Variants in DNAH12 observed in about 807,000 individuals in gnomAD.
DNAH12 encodes axonemal beta dynein heavy chain 12.
In DNAH12, 285 loss-of-function variants were observed where a neutral mutation model predicts 371.5. The ratio of observed to expected loss-of-function variants is 0.77; its 90% CI spans 0.70 to 0.85. The LOEUF (loss-of-function observed/expected upper bound fraction) is 0.85. Ranked by LOEUF, DNAH12 falls within the 40% of genes least tolerant of loss-of-function variation. The probability of loss-of-function intolerance (pLI) is 0.00; values close to 1 mark genes in which losing one functional copy is unlikely to be tolerated. For synonymous variants in DNAH12, 1,200 were observed against 1,213.0 expected (o/e 0.99, Z 0.22); for missense variants, 3,611 against 3,689.4 (o/e 0.98, Z 0.55).
intron 2 of DNAH12, among the ~76,000 whole-genome samples, chr3:57,542,174 G>C (rs2069320649): frequency 6.9e-6 from 1 of 144,516 alleles, no homozygotes; most frequent in African/African-American, 2.6e-5. Flanking sequence ...GGGGGGCGGT[G>C]AGTAGGATGT....
intron 73 of DNAH12, among the ~76,000 whole-genome samples, chr3:57,295,063 T>C (rs1383293888): frequency 6.6e-6 from 1 of 152,138 alleles, no homozygotes; most frequent in African/African-American, 2.4e-5. Flanking sequence ...GGGGCAAAAT[T>C]GGCCCCCACC....
the DNAH12 span, among the ~76,000 whole-genome samples, chr3:57,552,317 A>C: frequency 8.1e-4 from 123 of 151,852 alleles, no homozygotes; most frequent in Non-Finnish European, 1.6e-3. Flanking sequence ...TCAGCCTCCC[A>C]AAGTGCTGGG....
intron 23 of DNAH12, 84 bp downstream of exon 23, chr3:57,454,690 CA>C: frequency 6.7e-7 from 1 of 1,501,206 alleles, no homozygotes; most frequent in Non-Finnish European, 9.0e-7. Context: ...GGTAGCATAG[CA>C]AGATCTCATT....
In DNAH12 at chr3:57,401,014, T is replaced by C. The variant is rs1007883685; in HGVS notation, c.6948+2295A>G. 4.8e-3 allele frequency among the ~76,000 whole-genome samples: 734 copies of C among 152,246 alleles called. 6 individuals carry two copies. The highest frequency in any genetic ancestry group is 0.017 in the African/African-American group (709 of 41,556). On this transcript the variant is annotated intron_variant, in intron 43 of 73. Transcript: ENST00000495027. Reference sequence around the variant, plus strand: ...AAAGACTGAAATCATAGAAAGTATCTTTCCTGATCACAATGGTACAAAACT... The same window carrying C: ...AAAGACTGAAATCATAGAAAGTATCCTTCCTGATCACAATGGTACAAAACT...
chr3:57,320,365 C>A (rs559237720), intron 65 of DNAH12, among the ~76,000 whole-genome samples: 26 of 152,266 alleles, frequency 1.7e-4, no homozygotes, highest in African/African-American at 6.3e-4. Flanking sequence ...AGAAATGTAT[C>A]CCTGCCCTTA....
rs999787128 is a variant in DNAH12 at position 57,364,635 on chromosome 3, T to C, written c.9168-849A>G. On this transcript the variant is annotated intron_variant, in intron 57 of 73. Coordinates refer to ENST00000495027, the MANE Select transcript of DNAH12 (RefSeq NM_001366028.2). ...ATTGAAAAATGGGATCTAATTAAAC[T>C]AAGGAGCTTCTGCACAGCAAAATAA... is the stretch of plus-strand genomic sequence containing the variant. Among the ~76,000 whole-genome samples the C allele has an allele frequency of 5.3e-5, 8 of 152,252 alleles. No individual in the cohort carries two copies. In the South Asian group the frequency reaches 1.5e-3, roughly 28 times the overall value.
rs952585056 is a variant in DNAH12, at chr3:57,358,266, G to T, written c.9361-918C>A. ...GTGGCATTGGCATTAGGAGTAAAAG[G>T]TAGTGGGACTTTTTCTACATGTTGG... On this transcript the variant is annotated intron_variant, in intron 58 of 73. Transcript: ENST00000495027. Among the ~76,000 whole-genome samples, 103 of 152,298 alleles carry T rather than the reference G, an allele frequency of 6.8e-4. 2 individuals are homozygous for T. Among genetic ancestry groups the T allele is most frequent in the Non-Finnish European group, 2.1e-4 (14 of 68,016 alleles).
chr3:57,453,253 T>C lies in DNAH12; in HGVS notation c.3607A>G (p.Lys1203Glu), dbSNP rs1368029299. Residue 1203 changes from lysine to glutamate, a missense_variant, in exon 24 of 74, where the codon AAA becomes GAA. Physicochemically the swap from Lys to Glu is moderately conservative, Grantham distance 56. Transcript: ENST00000495027. ...HARDVVMDMI[K>E]MGVSHDTDFL... ...TAAAGAAAAAGTCACATACCCATTT[T>C]AATCATGTCCATGACCACATCTCTA... 8 of 1,524,482 alleles carry C rather than the reference T, an allele frequency of 5.2e-6. No homozygotes were observed. In the East Asian group the frequency reaches 2.0e-4, roughly 37 times the overall value. The allele number at this position is 1,524,482 out of a possible 1,614,324, so 94.4% of individuals were successfully genotyped here.
Position 57,293,863 on chromosome 3 carries a change from A to G in DNAH12, c.11801T>C (p.Ile3934Thr). The G allele has an allele frequency of 1.3e-6, 2 of 1,550,896 alleles. No homozygotes were observed. The highest frequency in any genetic ancestry group is 1.7e-6 in the Non-Finnish European group (2 of 1,146,638). The change falls in exon 74 of 74, where the codon ATT becomes ACT. Residue 3934 changes from isoleucine (I) to threonine (T), a missense_variant. Physicochemically the swap from Ile to Thr is moderately conservative, Grantham distance 89. Transcript: ENST00000495027. ...TTGGTCTGTTTTTAACAACATTGCA[A>G]TGACAAAGTTAGTAGAATGTCCCGT... The part of the protein sequence containing the change: ...STTGHSTNFV[I>T]AMLLKTDQPT...
chr3:57,419,874 A>G (rs1270692321), intron 36 of DNAH12, among the ~76,000 whole-genome samples: 1 of 152,100 alleles, frequency 6.6e-6, no homozygotes, highest in Non-Finnish European at 1.5e-5. Context: ...AATGCCTTCA[A>G]GATGTCCTTT....
chr3:57,327,988 A>G (rs1490820997), intron 62 of DNAH12, among the ~76,000 whole-genome samples: 1 of 151,842 alleles, frequency 6.6e-6, no homozygotes, highest in Non-Finnish European at 1.5e-5. Flanking sequence ...CTCGACACAT[A>G]CACTCTCCCA....
At chr3:57,443,799 C>T (rs1449213748) in intron 29 of DNAH12, among the ~76,000 whole-genome samples, 5 of 151,760 alleles carry the variant, frequency 3.3e-5, no homozygotes, top group Admixed American at 2.0e-4. Context: ...TCATTTCTAT[C>T]TAATAAAATA....
intron 60 of DNAH12, among the ~76,000 whole-genome samples, chr3:57,343,756 C>T (rs976116291): frequency 1.3e-5 from 2 of 152,124 alleles, no homozygotes; most frequent in African/African-American, 4.8e-5. Context: ...CCCGATTGTA[C>T]ATTTGTTCAG....
chr3:57,309,764 C>CA lies in DNAH12; in HGVS notation c.10986dup (p.Glu3663Ter). The CA allele has an allele frequency of 6.4e-7, 1 of 1,551,396 alleles. No individual in the cohort carries two copies. Among genetic ancestry groups the CA allele is most frequent in the African/African-American group, 1.4e-5 (1 of 73,112 alleles). On this transcript the variant is annotated frameshift_variant, in exon 68 of 74. Coordinates refer to ENST00000495027, the MANE Select transcript of DNAH12 (RefSeq NM_001366028.2). LOFTEE classifies it high-confidence loss of function. ...CCTCCCTGGGTGAGGAGCAAGGACT[C>CA]AAAGAGGGTTTTTGTTTGTTGAAGA...
chr3:57,507,659 G>C lies in DNAH12; in HGVS notation c.881C>G (p.Thr294Arg). 1 of 1,603,770 alleles carries C rather than the reference G, an allele frequency of 6.2e-7. No homozygotes were observed. Among genetic ancestry groups the C allele is most frequent in the Non-Finnish European group, 8.5e-7 (1 of 1,178,272 alleles). The change falls in exon 8 of 74, where the codon ACA becomes AGA. Residue 294 changes from threonine (T) to arginine (R), a missense_variant. By Grantham distance (71) the Thr-to-Arg change is moderately conservative. Transcript: ENST00000495027. ...TGTATGTACCTGATTTGACATAAGTGTGGAAACACAGCTATAAAATGCATC... is the reference window on the plus strand; with the variant it reads ...TGTATGTACCTGATTTGACATAAGTCTGGAAACACAGCTATAAAATGCATC... Reference protein sequence around the residue: ...KLDAFYSCVSTLMSNQLKDLL... With the variant: ...KLDAFYSCVSRLMSNQLKDLL...
chr3:57,325,334 A>G (rs1261162504), intron 62 of DNAH12, among the ~76,000 whole-genome samples: 1 of 152,174 alleles, frequency 6.6e-6, no homozygotes, highest in South Asian at 2.1e-4. Context: ...AGTAGGGGCA[A>G]ACTGACACCT....
intron 65 of DNAH12, among the ~76,000 whole-genome samples, chr3:57,315,385 G>A (rs1405143664): frequency 6.6e-6 from 1 of 150,460 alleles, no homozygotes; most frequent in Non-Finnish European, 1.5e-5. Context: ...TTTTTGAAAT[G>A]TTCTAAGTAC....
chr3:57,472,703 T>A lies in DNAH12; in HGVS notation c.1651-32A>T, dbSNP rs1269350632. 3 of 1,533,238 alleles carry A rather than the reference T, an allele frequency of 2.0e-6. No individual in the cohort carries two copies. The African/African-American group carries it at 4.2e-5, about 21-fold the overall frequency. The allele number at this position is 1,533,238 out of a possible 1,614,324, so 95.0% of individuals were successfully genotyped here. The stretch of plus-strand genomic sequence containing the variant: ...AAGAAACTCTGGATATAATATGTCA[T>A]ATAGAAAATCTACATCATTATGAAA... On this transcript the variant is annotated intron_variant, in intron 13 of 73. Transcript: ENST00000495027.
upstream of DNAH12, among the ~76,000 whole-genome samples, chr3:57,546,512 T>A (rs1196604166): frequency 1.3e-5 from 2 of 152,150 alleles, no homozygotes; most frequent in Non-Finnish European, 2.9e-5. Flanking sequence ...GGCTAATTTT[T>A]AAAAATATTT....
Sources: allele counts gnomAD v4.1 joint callset (sites outside exome capture counted in the v4.1 genomes callset), GRCh38; gene constraint gnomAD v4.1.1; transcripts MANE v1.5; gene names NCBI Gene and HGNC (gene_info 2026-07-23, HGNC 2026-07-21).